The following EYS variants were observed in gnomAD, a reference collection of about 807,000 sequenced individuals.
EYS encodes protein eyes shut homolog.
In EYS, 250 loss-of-function variants were observed where a neutral mutation model predicts 282.1. The ratio of observed to expected loss-of-function variants is 0.89; its 90% confidence interval spans 0.80 to 0.98. The LOEUF is 0.98. EYS is among the 50% of genes least tolerant of loss of function. The pLI is 0.00. For missense variants in EYS, 4,016 were observed against 3,709.0 expected (o/e 1.08, Z -2.15); for synonymous variants, 1,355 against 1,282.9 (o/e 1.06, Z -1.20).
At chr6:65,531,738 TCAA>T (rs1424576002) in intron 2 of EYS, among the ~76,000 whole-genome samples, 1 of 152,156 alleles carries the variant, frequency 6.6e-6, no homozygotes, top group Non-Finnish European at 1.5e-5. Context: ...GGAGCAGTAA[TCAA>T]CAGGTGCCCA....
At chr6:64,912,818 C>T (rs1415270165) in intron 15 of EYS, 75 bp from the exon 16 acceptor site, 2 of 895,636 alleles carry the variant, frequency 2.2e-6, no homozygotes, top group Non-Finnish European at 3.1e-6. Context: ...TAATTACTCC[C>T]TTGAACTAAT....
At chr6:63,882,413 G>A (rs887836618) in intron 35 of EYS, among the ~76,000 whole-genome samples, 2 of 152,164 alleles carry the variant, frequency 1.3e-5, no homozygotes, top group East Asian at 3.8e-4. Context: ...AAGCCTCCAT[G>A]AGGGGCAGAG....
chr6:64,449,317 A>G (rs1419764841), intron 26 of EYS, among the ~76,000 whole-genome samples: 1 of 152,172 alleles, frequency 6.6e-6, no homozygotes, highest in Non-Finnish European at 1.5e-5. Flanking sequence ...AAAAAAATAC[A>G]AAGAAATGAA....
chr6:63,978,678 T>G (rs1766953461), intron 35 of EYS, among the ~76,000 whole-genome samples: 3 of 151,806 alleles, frequency 2.0e-5, no homozygotes, highest in Admixed American at 2.0e-4. Flanking sequence ...CAAGCAAAAA[T>G]TGTGTGAGGG....
chr6:64,404,380 AGTGTGTGTGTGT>A (rs59373630), intron 28 of EYS, among the ~76,000 whole-genome samples: 22 of 93,794 alleles, frequency 2.3e-4, no homozygotes, highest in African/African-American at 5.6e-4. Flanking sequence ...AGAGTGTGAG[AGTGTGTGTGTGT>A]GTGTGTGTGT....
intron 26 of EYS, among the ~76,000 whole-genome samples, chr6:64,585,715 ATAACATTTTAACTACAGTTTT>A (rs1367544018): frequency 2.0e-5 from 3 of 152,108 alleles, no homozygotes; most frequent in African/African-American, 7.2e-5. Context: ...CTGGAGCAAT[ATAACATTTTAACTACAGTTTT>A]TATGTGTTAC....
chr6:64,812,421 C>T (rs1484239314), intron 22 of EYS, among the ~76,000 whole-genome samples: 6 of 151,900 alleles, frequency 3.9e-5, no homozygotes, highest in African/African-American at 1.2e-4. Context: ...ATGAAATTAG[C>T]TTTTATGTAT....
chr6:64,794,308 C>A (rs1774284686), intron 22 of EYS, among the ~76,000 whole-genome samples: 1 of 152,236 alleles, frequency 6.6e-6, no homozygotes, highest in South Asian at 2.1e-4. Flanking sequence ...TATGGTTTGG[C>A]TCTATGTCCT....
intron 35 of EYS, among the ~76,000 whole-genome samples, chr6:63,958,778 T>C (rs565546963): frequency 6.6e-6 from 1 of 152,316 alleles, no homozygotes; most frequent in East Asian, 1.9e-4. Flanking sequence ...ACTCTGCCTG[T>C]GCTCTACAAA....
At chr6:64,294,690 C>T (rs1293617453) in intron 30 of EYS, among the ~76,000 whole-genome samples, 1 of 152,088 alleles carries the variant, frequency 6.6e-6, no homozygotes, top group African/African-American at 2.4e-5. Context: ...TATACTTGCA[C>T]TGATAGTCAA....
intron 26 of EYS, among the ~76,000 whole-genome samples, chr6:64,492,080 T>G (rs1298524185): frequency 5.3e-5 from 8 of 151,214 alleles, no homozygotes; most frequent in Non-Finnish European, 1.2e-4. Flanking sequence ...AAATTTGAAG[T>G]AATTTTTGTA....
intron 19 of EYS, among the ~76,000 whole-genome samples, chr6:64,881,803 C>T (rs1451439471): frequency 6.6e-6 from 1 of 151,794 alleles, no homozygotes; most frequent in African/African-American, 2.4e-5. Context: ...AATGTAAACT[C>T]TGTAAGTTTT....
At chr6:64,511,488 C>T (rs909662255) in intron 26 of EYS, among the ~76,000 whole-genome samples, 2 of 151,812 alleles carry the variant, frequency 1.3e-5, no homozygotes, top group African/African-American at 4.8e-5. Context: ...CAATTTAATG[C>T]ATTTAGTGTG....
chr6:64,892,328 C>G lies in EYS; in HGVS notation c.2847-5486G>C, dbSNP rs534297874. 2.0e-3 allele frequency among the ~76,000 whole-genome samples: 297 copies of G among 151,784 alleles called. 2 individuals are homozygous for G. The highest frequency in any genetic ancestry group is 6.9e-3 in the African/African-American group (287 of 41,494). On this transcript the variant is annotated intron_variant, in intron 18 of 42. Coordinates refer to ENST00000503581, the MANE Select transcript of EYS (RefSeq NM_001142800.2). ...AATAGATTGAATAGTATTACAAAAT[C>G]CAAACATAACACAGAATGTTTTAAT...
At chr6:64,549,395 T>A (rs1764992395) in intron 26 of EYS, among the ~76,000 whole-genome samples, 1 of 152,188 alleles carries the variant, frequency 6.6e-6, no homozygotes, top group South Asian at 2.1e-4. Context: ...TTTAGTTGAT[T>A]TTTGTGTCAC....
chr6:65,517,338 C>CAA lies in EYS; in HGVS notation c.-332-21347_-332-21346dup, dbSNP rs200763799. ...TTGGAATCTGTTTTTTTCAAAACAA[C>CAA]AACAAAAAAAAAACAAAAGCTCAAA... is the stretch of plus-strand genomic sequence containing the variant. On this transcript the variant is annotated intron_variant, in intron 2 of 42. Coordinates refer to ENST00000503581, the MANE Select transcript of EYS (RefSeq NM_001142800.2). Among the ~76,000 whole-genome samples the CAA allele has an allele frequency of 2.4e-3, 199 of 82,118 alleles. 1 individual carries two copies. Among genetic ancestry groups the CAA allele is most frequent in the African/African-American group, 0.01 (183 of 17,586 alleles). 53.9% of individuals were successfully genotyped at this position (82,118 alleles called of 152,430 possible).
At chr6:65,660,062 T>C (rs1050085725) in intron 1 of EYS, among the ~76,000 whole-genome samples, 7 of 150,752 alleles carry the variant, frequency 4.6e-5, no homozygotes, top group Admixed American at 2.0e-4. Flanking sequence ...TAGTGCAAAA[T>C]GAAGATAAGG....
At chr6:65,586,558 A>G (rs1230016585) in intron 2 of EYS, among the ~76,000 whole-genome samples, 2 of 152,136 alleles carry the variant, frequency 1.3e-5, no homozygotes, top group African/African-American at 4.8e-5. Context: ...ACTGTGGAAC[A>G]TTTGAGTAGC....
chr6:65,384,250 C>G (rs1582220647), intron 8 of EYS, 136 bp downstream of exon 8: 5 of 634,184 alleles, frequency 7.9e-6, no homozygotes, highest in Non-Finnish European at 1.4e-5. Context: ...CTAAGCTTTA[C>G]ATAACTCACA....
Sources: allele counts gnomAD v4.1 joint callset (sites outside exome capture counted in the v4.1 genomes callset), GRCh38; gene constraint gnomAD v4.1.1; transcripts MANE v1.5; gene names NCBI Gene and HGNC (gene_info 2026-07-23, HGNC 2026-07-21).